The following TBCK variants were observed in gnomAD, a reference collection of about 807,000 sequenced individuals.
TBCK encodes TBC1 domain containing kinase.
In TBCK, 99 loss-of-function variants were observed where a neutral mutation model predicts 113.4. That is an observed-to-expected ratio of 0.87 (90% CI 0.74 to 1.03). The LOEUF is 1.03. Ranked by LOEUF, TBCK falls within the 50% of genes least tolerant of loss-of-function variation. The pLI, the probability that TBCK is intolerant of heterozygous loss-of-function variation, is 0.00. For synonymous variants in TBCK, 369 were observed against 370.8 expected (o/e 1.00, Z 0.05); for missense variants, 1,045 against 1,061.3 (o/e 0.98, Z 0.21).
intron 23 of TBCK, among the ~76,000 whole-genome samples, chr4:106,140,176 G>C (rs931624349): frequency 1.4e-5 from 2 of 140,666 alleles, no homozygotes; most frequent in African/African-American, 5.0e-5. Context: ...ACAAGAAAAA[G>C]TATTTGATAA....
intron 23 of TBCK, among the ~76,000 whole-genome samples, chr4:106,138,267 ATGT>A (rs1204001013): frequency 6.4e-5 from 9 of 141,130 alleles, no homozygotes; most frequent in Admixed American, 4.2e-4. Flanking sequence ...GTTGACTGAA[ATGT>A]TGTTATGTGC....
In TBCK at chr4:106,171,159, C is replaced by G. The variant is rs1192211703; in HGVS notation, c.2171G>C (p.Ser724Thr). The change falls in exon 23 of 26, where the codon AGT (serine) becomes ACT (threonine). Residue 724 changes from serine (S) to threonine (T), a missense_variant. Physicochemically the swap from Ser to Thr is moderately conservative, Grantham distance 58 (BLOSUM62 1). Transcript: ENST00000394708. ...ATAAGGTGCCGAACTTCTGCCTCCA[C>G]TGCTGTCAGAAGATGGCTTTGGAGG... Reference protein sequence around the residue: ...AQPPKPSSDSSGGRSSAPYFS... With the variant: ...AQPPKPSSDSTGGRSSAPYFS... The G allele has an allele frequency of 6.2e-7, 1 of 1,612,926 alleles. No homozygotes were observed. The highest frequency in any genetic ancestry group is 1.7e-5 in the Admixed American group (1 of 59,840).
At chr4:106,245,902 C>G (rs529339479) in intron 10 of TBCK, among the ~76,000 whole-genome samples, 1 of 152,050 alleles carries the variant, frequency 6.6e-6, no homozygotes, top group Non-Finnish European at 1.5e-5. Flanking sequence ...CATTAGCCAA[C>G]TCTAGTTCAC....
chr4:106,289,135 C>G (rs760496075), intron 3 of TBCK, among the ~76,000 whole-genome samples: 23 of 152,136 alleles, frequency 1.5e-4, no homozygotes, highest in Non-Finnish European at 3.1e-4. Flanking sequence ...CAGTTTAGAG[C>G]TATAATGAAG....
At chr4:106,090,082 TC>T (rs1439540412) in intron 25 of TBCK, among the ~76,000 whole-genome samples, 1 of 152,216 alleles carries the variant, frequency 6.6e-6, no homozygotes, top group Non-Finnish European at 1.5e-5. Flanking sequence ...CTGTGGGGGC[TC>T]TGCTCCTGTA....
intron 3 of TBCK, among the ~76,000 whole-genome samples, chr4:106,267,880 A>G (rs1285571732): frequency 6.6e-6 from 1 of 152,074 alleles, no homozygotes; most frequent in Non-Finnish European, 1.5e-5. Context: ...TACTGAGGCC[A>G]AGATCATGGA....
chr4:106,077,814 G>T (rs1176590892), intron 25 of TBCK, among the ~76,000 whole-genome samples: 1 of 152,110 alleles, frequency 6.6e-6, no homozygotes, highest in Non-Finnish European at 1.5e-5. Flanking sequence ...AGACCTAATA[G>T]ACACTACAGA....
chr4:106,219,554 T>C (rs1418306701), intron 19 of TBCK, among the ~76,000 whole-genome samples: 1 of 152,110 alleles, frequency 6.6e-6, no homozygotes, highest in Non-Finnish European at 1.5e-5. Flanking sequence ...ATGTTCATTT[T>C]TTTCATTCTT....
At position 106,244,727 on chromosome 4, in the gene TBCK, T is replaced by TTCAATAGA; in HGVS notation, c.961_968dup (p.Glu323AspfsTer57). ...CCAAACACCAAAGGTAATACACTTC[T>TTCAATAGA]TCAATAGATCTTTCTGCCAGGTAAT... On this transcript the variant is annotated frameshift_variant, in exon 11 of 26. Transcript: ENST00000394708. LOFTEE classifies it high-confidence loss of function. The TTCAATAGA allele has an allele frequency of 6.3e-7, 1 of 1,599,426 alleles. No homozygotes were observed. The highest frequency in any genetic ancestry group is 8.5e-7 in the Non-Finnish European group (1 of 1,171,306).
chr4:106,154,588 A>G (rs1748908778), intron 23 of TBCK, among the ~76,000 whole-genome samples: 1 of 152,072 alleles, frequency 6.6e-6, no homozygotes, highest in African/African-American at 2.4e-5. Context: ...TTGTCGTCGC[A>G]ATAGTGAGTT....
intron 3 of TBCK, among the ~76,000 whole-genome samples, chr4:106,263,930 TTCC>T (rs1762737414): frequency 6.6e-6 from 1 of 152,016 alleles, no homozygotes; most frequent in Admixed American, 6.6e-5. Context: ...CCTATTTTTC[TTCC>T]TCAAGTCCTT....
At chr4:106,049,240 T>C (rs1734541612) in intron 25 of TBCK, among the ~76,000 whole-genome samples, 1 of 152,040 alleles carries the variant, frequency 6.6e-6, no homozygotes, top group African/African-American at 2.4e-5. Flanking sequence ...TTTGGAGTGC[T>C]TAGAGTTCAG....
intron 23 of TBCK, among the ~76,000 whole-genome samples, chr4:106,163,021 T>C (rs1471587440): frequency 6.6e-6 from 1 of 152,110 alleles, no homozygotes; most frequent in East Asian, 1.9e-4. Flanking sequence ...ACTTTTATGG[T>C]CTGCTTCCTC....
chr4:106,107,040 A>G (rs1742250979), intron 24 of TBCK, among the ~76,000 whole-genome samples: 1 of 151,210 alleles, frequency 6.6e-6, no homozygotes, highest in South Asian at 2.1e-4. Context: ...AAAAAAAAAG[A>G]CAAGGGCATT....
intron 20 of TBCK, among the ~76,000 whole-genome samples, chr4:106,198,919 T>C (rs1754566117): frequency 6.6e-6 from 1 of 152,164 alleles, no homozygotes; most frequent in South Asian, 2.1e-4. Context: ...GCTTATGGCC[T>C]TTCCTATCAT....
At chr4:106,105,379 C>T (rs1488452818) in intron 24 of TBCK, among the ~76,000 whole-genome samples, 1 of 152,236 alleles carries the variant, frequency 6.6e-6, no homozygotes, top group Non-Finnish European at 1.5e-5. Flanking sequence ...ACTAAGATCT[C>T]TTCCTCTACT....
intron 20 of TBCK, among the ~76,000 whole-genome samples, chr4:106,197,411 G>GTGTGTATA (rs35695611): frequency 9.0e-5 from 11 of 122,460 alleles, no homozygotes; most frequent in South Asian, 2.9e-4. Flanking sequence ...GTGTGTGTGT[G>GTGTGTATA]TATATATATA....
At chr4:106,111,886 A>C (rs2149556873) in intron 24 of TBCK, among the ~76,000 whole-genome samples, 1 of 152,280 alleles carries the variant, frequency 6.6e-6, no homozygotes, top group Non-Finnish European at 1.5e-5. Context: ...CTTGGACATA[A>C]CTACTGATAA....
intron 20 of TBCK, among the ~76,000 whole-genome samples, chr4:106,202,423 C>A (rs2149845109): frequency 6.6e-6 from 1 of 151,928 alleles, no homozygotes; most frequent in Non-Finnish European, 1.5e-5. Context: ...TTTGTGCTAG[C>A]CATAGTATTG....
Sources: allele counts gnomAD v4.1 joint callset (sites outside exome capture counted in the v4.1 genomes callset), GRCh38; gene constraint gnomAD v4.1.1; transcripts MANE v1.5; gene names NCBI Gene and HGNC (gene_info 2026-07-23, HGNC 2026-07-21).